KCNT2: variants seen among roughly 807,000 people sequenced by gnomAD.
KCNT2 encodes the protein potassium channel subfamily T member 2.
KCNT2 carries 67 observed loss-of-function variants against 153.8 expected under a neutral mutation model. The observed-to-expected ratio is 0.44, with a 90% confidence interval of 0.36 to 0.53. The LOEUF is 0.53. Among genes scored for constraint, KCNT2 ranks in the 20% least tolerant of loss-of-function variants. The pLI is 0.00. For missense variants in KCNT2, 975 were observed against 1,354.8 expected (o/e 0.72, Z 4.40); for synonymous variants, 500 against 458.8 (o/e 1.09, Z -1.15).
chr1:196,339,368 G>T (rs1665366602), intron 16 of KCNT2, among the ~76,000 whole-genome samples: 1 of 151,996 alleles, frequency 6.6e-6, no homozygotes, highest in Non-Finnish European at 1.5e-5. Context: ...ATTGAACTGG[G>T]TAGAATCATG....
At chr1:196,377,831 T>G (rs1669103977) in intron 13 of KCNT2, among the ~76,000 whole-genome samples, 1 of 152,074 alleles carries the variant, frequency 6.6e-6, no homozygotes, top group Admixed American at 6.6e-5. Flanking sequence ...AATTTAGACT[T>G]CCCAGCCAGA....
At chr1:196,555,081 A>G (rs948491163) in intron 1 of KCNT2, among the ~76,000 whole-genome samples, 1 of 151,204 alleles carries the variant, frequency 6.6e-6, no homozygotes, top group African/African-American at 2.4e-5. Flanking sequence ...TTTGGAGCAT[A>G]ACAAGAATGT....
chr1:196,336,207 T>C (rs1665017206), intron 16 of KCNT2, among the ~76,000 whole-genome samples: 1 of 152,070 alleles, frequency 6.6e-6, no homozygotes. Flanking sequence ...CAACTCCTTG[T>C]CCTCTTCTCT....
chr1:196,278,701 A>G (rs1038545220), intron 25 of KCNT2, among the ~76,000 whole-genome samples: 1 of 152,198 alleles, frequency 6.6e-6, no homozygotes, highest in Non-Finnish European at 1.5e-5. Flanking sequence ...CCAAGGCCAG[A>G]ATTTACTGCA....
chr1:196,545,810 A>G (rs1238054386), intron 1 of KCNT2, among the ~76,000 whole-genome samples: 1 of 149,434 alleles, frequency 6.7e-6, no homozygotes, highest in African/African-American at 2.5e-5. Flanking sequence ...AAATTGTACA[A>G]TATATTATCT....
At chr1:196,587,455 T>A (rs1024892674) in intron 1 of KCNT2, among the ~76,000 whole-genome samples, 2 of 152,028 alleles carry the variant, frequency 1.3e-5, no homozygotes, top group African/African-American at 2.4e-5. Context: ...TAAAGAAGCA[T>A]ATGACTTTTA....
intron 25 of KCNT2, among the ~76,000 whole-genome samples, chr1:196,275,633 C>T (rs1179191512): frequency 6.6e-6 from 1 of 151,870 alleles, no homozygotes; most frequent in Non-Finnish European, 1.5e-5. Context: ...GTTTTCTCTA[C>T]TCAGAACATG....
chr1:196,337,232 C>T (rs564010455), intron 16 of KCNT2, among the ~76,000 whole-genome samples: 14 of 151,662 alleles, frequency 9.2e-5, no homozygotes, highest in South Asian at 4.2e-4. Context: ...TTGCTTAATC[C>T]GAAAACCTTA....
intron 8 of KCNT2, among the ~76,000 whole-genome samples, chr1:196,459,411 A>G (rs74601342): frequency 6.6e-6 from 1 of 151,940 alleles, no homozygotes; most frequent in East Asian, 1.9e-4. Flanking sequence ...AAGAAAAAAA[A>G]TCAAAGAAAG....
intron 8 of KCNT2, among the ~76,000 whole-genome samples, chr1:196,450,615 G>C (rs1379040323): frequency 6.6e-6 from 1 of 151,652 alleles, no homozygotes; most frequent in African/African-American, 2.4e-5. Context: ...TCAAAAGTGT[G>C]TCACTTCTGT....
At chr1:196,571,643 GC>G (rs1660788762) in intron 1 of KCNT2, among the ~76,000 whole-genome samples, 1 of 152,012 alleles carries the variant, frequency 6.6e-6, no homozygotes, top group Non-Finnish European at 1.5e-5. Context: ...GATCAATCAT[GC>G]CCTAATGCAT....
intron 1 of KCNT2, among the ~76,000 whole-genome samples, chr1:196,536,269 C>T (rs1655554908): frequency 6.6e-6 from 1 of 152,198 alleles, no homozygotes; most frequent in Non-Finnish European, 1.5e-5. Flanking sequence ...ATGGCCTGGC[C>T]CCACATGGGC....
At chr1:196,358,549 T>C (rs978027286) in intron 14 of KCNT2, among the ~76,000 whole-genome samples, 1 of 151,914 alleles carries the variant, frequency 6.6e-6, no homozygotes, top group Non-Finnish European at 1.5e-5. Context: ...AATAGTCTTC[T>C]AAATTATTGT....
chr1:196,410,839 TAA>T (rs1016899100), intron 12 of KCNT2, among the ~76,000 whole-genome samples: 1 of 151,812 alleles, frequency 6.6e-6, no homozygotes, highest in Non-Finnish European at 1.5e-5. Flanking sequence ...AGATCTAAGT[TAA>T]AGTCTTTAAG....
At chr1:196,367,297 C>T (rs1423035459) in intron 14 of KCNT2, among the ~76,000 whole-genome samples, 1 of 152,096 alleles carries the variant, frequency 6.6e-6, no homozygotes, top group Non-Finnish European at 1.5e-5. Context: ...ATGATTGCAT[C>T]ACCAAATTTG....
intron 14 of KCNT2, among the ~76,000 whole-genome samples, chr1:196,351,170 T>C (rs933745606): frequency 6.6e-6 from 1 of 152,204 alleles, no homozygotes; most frequent in Non-Finnish European, 1.5e-5. Context: ...TGGCTCACAA[T>C]TGACTTGGTG....
intron 1 of KCNT2, among the ~76,000 whole-genome samples, chr1:196,500,668 T>C (rs1680627471): frequency 6.6e-6 from 1 of 152,084 alleles, no homozygotes; most frequent in Non-Finnish European, 1.5e-5. Context: ...AATGAAGGCT[T>C]GTCAAACACA....
chr1:196,283,095 G>C (rs1659274057), intron 23 of KCNT2, among the ~76,000 whole-genome samples: 1 of 152,064 alleles, frequency 6.6e-6, no homozygotes, highest in Admixed American at 6.6e-5. Flanking sequence ...CGCCTGCCTT[G>C]GCCACCCCAA....
chr1:196,292,738 C>T (rs530392443), intron 22 of KCNT2, among the ~76,000 whole-genome samples: 17 of 131,958 alleles, frequency 1.3e-4, no homozygotes, highest in Middle Eastern at 4.6e-3. Flanking sequence ...ACCCGGGAGG[C>T]GGGGCGGAAC....
Sources: gnomAD v4.1 joint callset for allele counts (sites outside exome capture counted in the v4.1 genomes callset) on GRCh38, gnomAD v4.1.1 for gene constraint, MANE v1.5 for transcripts, NCBI Gene and HGNC (gene_info 2026-07-23, HGNC 2026-07-21) for gene names.